The following NDUFAF2 variants were observed in gnomAD, a reference collection of about 807,000 sequenced individuals.
NDUFAF2 encodes the protein NADH:ubiquinone oxidoreductase complex assembly factor 2, also known as NADH dehydrogenase [ubiquinone] 1 alpha subcomplex assembly factor 2.
A neutral mutation model predicts 22.8 loss-of-function variants in NDUFAF2; 13 were observed. The ratio of observed to expected loss-of-function variants is 0.57; its 90% CI spans 0.37 to 0.91. The LOEUF (loss-of-function observed/expected upper bound fraction) is 0.91, where lower values mean the gene tolerates loss of function less well. NDUFAF2 is among the 40% of genes least tolerant of loss of function. NDUFAF2 has a pLI of 0.01. For missense variants in NDUFAF2, 162 were observed against 195.2 expected (o/e 0.83, Z 1.01); for synonymous variants, 53 against 64.2 (o/e 0.83, Z 0.84).
chr5:60,997,931 T>C (rs116331884), intron 1 of NDUFAF2, among the ~76,000 whole-genome samples: 208 of 152,334 alleles, frequency 1.4e-3, no homozygotes, highest in African/African-American at 4.8e-3. Flanking sequence ...CCAGGCTTCC[T>C]ACTAAATTAT....
At chr5:61,117,136 G>GA (rs1267917988) in intron 3 of NDUFAF2, among the ~76,000 whole-genome samples, 1 of 152,034 alleles carries the variant, frequency 6.6e-6, no homozygotes, top group African/African-American at 2.4e-5. Flanking sequence ...GCCTAAAACT[G>GA]AAAAAATAAC....
At chr5:61,133,045 C>T (rs893729044) in intron 3 of NDUFAF2, among the ~76,000 whole-genome samples, 1 of 152,146 alleles carries the variant, frequency 6.6e-6, no homozygotes, top group Non-Finnish European at 1.5e-5. Flanking sequence ...TGCCTATCTG[C>T]CTTCCCACAG....
At chr5:61,125,177 CT>C (rs1753021990) in intron 3 of NDUFAF2, among the ~76,000 whole-genome samples, 1 of 151,914 alleles carries the variant, frequency 6.6e-6, no homozygotes, top group Non-Finnish European at 1.5e-5. Flanking sequence ...TTCTGTATTT[CT>C]TTTTTCTACA....
intron 1 of NDUFAF2, among the ~76,000 whole-genome samples, chr5:61,047,024 AGC>A (rs1371233202): frequency 6.6e-6 from 1 of 152,158 alleles, no homozygotes; most frequent in Non-Finnish European, 1.5e-5. Flanking sequence ...TGCTCTACAG[AGC>A]GCTAGGGCTA....
At chr5:61,010,614 T>TA (rs1038943676) in intron 1 of NDUFAF2, among the ~76,000 whole-genome samples, 1 of 152,148 alleles carries the variant, frequency 6.6e-6, no homozygotes, top group Non-Finnish European at 1.5e-5. Flanking sequence ...GTACTTGTCT[T>TA]ACCACTCTCT....
intron 2 of NDUFAF2, among the ~76,000 whole-genome samples, chr5:61,081,781 A>G (rs1442200746): frequency 6.6e-6 from 1 of 152,258 alleles, no homozygotes; most frequent in African/African-American, 2.4e-5. Context: ...AAAAACTTAC[A>G]TACCATTGGG....
rs530548796 is a variant in NDUFAF2 at position 61,007,387 on chromosome 5, C to T, written c.127+62005C>T. On this transcript the variant is annotated intron_variant, in intron 1 of 3. Coordinates refer to ENST00000296597, the MANE Select transcript of NDUFAF2 (RefSeq NM_174889.5). Reference sequence around the variant, plus strand: ...ATTAAATAGGGAATCCTTTCCCCATCTCTTGTTTTTGTCAGGTTTCTCAAA... The same window carrying T: ...ATTAAATAGGGAATCCTTTCCCCATTTCTTGTTTTTGTCAGGTTTCTCAAA... 3.3e-5 allele frequency among the ~76,000 whole-genome samples: 5 copies of T among 151,966 alleles called. No individual in the cohort carries two copies. The South Asian group carries it at 6.2e-4, about 19-fold the overall frequency.
At chr5:60,955,906 G>A (rs1211464381) in intron 1 of NDUFAF2, among the ~76,000 whole-genome samples, 2 of 145,548 alleles carry the variant, frequency 1.4e-5, no homozygotes, top group Non-Finnish European at 3.0e-5. Context: ...ATAGATTTTT[G>A]TATGTTGACT....
intron 1 of NDUFAF2, among the ~76,000 whole-genome samples, chr5:61,041,002 A>G (rs969806003): frequency 6.6e-6 from 1 of 152,174 alleles, no homozygotes; most frequent in African/African-American, 2.4e-5. Context: ...TTGCTCCAAT[A>G]TTATAGAGCA....
chr5:61,017,721 CAG>C (rs1441658926), intron 1 of NDUFAF2, among the ~76,000 whole-genome samples: 1 of 151,846 alleles, frequency 6.6e-6, no homozygotes, highest in Non-Finnish European at 1.5e-5. Flanking sequence ...CTGGGCAACA[CAG>C]GGGAGACCCT....
At chr5:60,991,777 G>A (rs1480117188) in intron 1 of NDUFAF2, among the ~76,000 whole-genome samples, 2 of 151,990 alleles carry the variant, frequency 1.3e-5, no homozygotes, top group Non-Finnish European at 2.9e-5. Context: ...ATATCTGTTC[G>A]ATACACTGGT....
At chr5:61,124,697 C>G (rs899409435) in intron 3 of NDUFAF2, among the ~76,000 whole-genome samples, 2 of 152,066 alleles carry the variant, frequency 1.3e-5, no homozygotes, top group Admixed American at 6.6e-5. Flanking sequence ...TACCATATTG[C>G]ACAGTACAAA....
chr5:61,096,397 G>A (rs541041353), intron 2 of NDUFAF2, among the ~76,000 whole-genome samples: 202 of 151,874 alleles, frequency 1.3e-3, no homozygotes, highest in South Asian at 2.3e-3. Context: ...TCAAGAGATC[G>A]AGACCATTCT....
At chr5:61,091,726 C>G (rs764822988) in intron 2 of NDUFAF2, among the ~76,000 whole-genome samples, 3 of 152,044 alleles carry the variant, frequency 2.0e-5, no homozygotes, top group South Asian at 2.1e-4. Flanking sequence ...AACAAAATTG[C>G]AAATTTTGTT....
chr5:61,126,623 T>G (rs1175684231), intron 3 of NDUFAF2, among the ~76,000 whole-genome samples: 2 of 152,108 alleles, frequency 1.3e-5, no homozygotes, highest in African/African-American at 4.8e-5. Flanking sequence ...TTTTTAAAAG[T>G]CAGTACGTAT....
chr5:61,052,546 G>A (rs893041701), intron 1 of NDUFAF2, among the ~76,000 whole-genome samples: 2 of 152,182 alleles, frequency 1.3e-5, no homozygotes, highest in African/African-American at 2.4e-5. Context: ...TCCTGACCTC[G>A]TGATCCGCCC....
chr5:60,974,821 AT>A (rs1750881117), intron 1 of NDUFAF2, among the ~76,000 whole-genome samples: 1 of 151,868 alleles, frequency 6.6e-6, no homozygotes, highest in Non-Finnish European at 1.5e-5. Context: ...TTGTTTATTT[AT>A]TTATTTATTT....
At chr5:61,035,429 T>TTTTTTTTTC (rs1751787306) in intron 1 of NDUFAF2, among the ~76,000 whole-genome samples, 1 of 144,812 alleles carries the variant, frequency 6.9e-6, no homozygotes, top group African/African-American at 2.6e-5. Flanking sequence ...GCTCTGTTTT[T>TTTTTTTTTC]TTTTTTTTTT....
chr5:61,024,042 T>G (rs562499008), intron 1 of NDUFAF2, among the ~76,000 whole-genome samples: 1 of 152,334 alleles, frequency 6.6e-6, no homozygotes, highest in African/African-American at 2.4e-5. Context: ...GTTTCTTATT[T>G]TTAGCAAAGT....
Sources: allele counts gnomAD v4.1 joint callset (sites outside exome capture counted in the v4.1 genomes callset), GRCh38; gene constraint gnomAD v4.1.1; transcripts MANE v1.5; gene names NCBI Gene and HGNC (gene_info 2026-07-23, HGNC 2026-07-21).